The following INPP5K variants were observed in gnomAD, a reference collection of about 807,000 sequenced individuals.
INPP5K encodes inositol polyphosphate 5-phosphatase K.
Under a neutral mutation model 53.5 loss-of-function variants are expected in INPP5K, and 35 were observed. That is an observed-to-expected ratio of 0.65 (90% CI 0.50 to 0.87). INPP5K has a LOEUF of 0.87. Among genes scored for constraint, INPP5K ranks in the 40% least tolerant of loss-of-function variants. The pLI, the probability that INPP5K is intolerant of heterozygous loss-of-function variation, is 0.00. For missense variants in INPP5K, 550 were observed against 586.2 expected, an observed-to-expected ratio of 0.94 and a Z score of 0.64; for synonymous variants, 253 against 232.8, an observed-to-expected ratio of 1.09 and a Z score of -0.79.
intron 7 of INPP5K, among the ~76,000 whole-genome samples, chr17:1,503,746 T>A (rs763344399): frequency 1.3e-5 from 2 of 152,038 alleles, no homozygotes; most frequent in Non-Finnish European, 2.9e-5. Context: ...TTGTCTGGGC[T>A]CACAGTGGCA....
At chr17:1,496,196 T>G in intron 10 of INPP5K, 32 bp from the exon 11 acceptor site, 10 of 1,544,046 alleles carry the variant, frequency 6.5e-6, no homozygotes, top group Non-Finnish European at 8.9e-6. Flanking sequence ...TGGGGTCAGC[T>G]CCAGGGCTCT....
At chr17:1,501,703 C>A (rs942525885) in intron 7 of INPP5K, among the ~76,000 whole-genome samples, 1 of 152,176 alleles carries the variant, frequency 6.6e-6, no homozygotes, top group African/African-American at 2.4e-5. Flanking sequence ...CCTTGGACAG[C>A]AGGTGCCTAG....
At chr17:1,503,789 T>TA (rs1413293870) in intron 7 of INPP5K, among the ~76,000 whole-genome samples, 3 of 152,154 alleles carry the variant, frequency 2.0e-5, no homozygotes, top group Non-Finnish European at 4.4e-5. Context: ...ACCCCGGACT[T>TA]TAGCAGGATT....
At chr17:1,505,030 G>C (rs145061889) in intron 7 of INPP5K, among the ~76,000 whole-genome samples, 304 of 152,332 alleles carry the variant, frequency 2.0e-3, no homozygotes, top group African/African-American at 6.3e-3. Flanking sequence ...TCCAGCTTTT[G>C]CAACAAACTT....
intron 1 of INPP5K, chr17:1,515,891 A>T: frequency 1.0e-6 from 1 of 985,090 alleles, no homozygotes; most frequent in Non-Finnish European, 1.2e-6. Context: ...GACTCACTCT[A>T]AGAGGATGGA....
chr17:1,508,286 C>T (rs2075213310), intron 5 of INPP5K, 60 bp from the exon 6 acceptor site: 1 of 1,357,118 alleles, frequency 7.4e-7, no homozygotes. Flanking sequence ...AGGGAGATCA[C>T]CAGGTGGCTC....
At chr17:1,513,614 G>T in intron 2 of INPP5K, 53 bp from the exon 3 acceptor site, 1 of 1,453,880 alleles carries the variant, frequency 6.9e-7, no homozygotes, top group Non-Finnish European at 9.7e-7. Context: ...TACTTCCCCT[G>T]CCACAGATAT....
chr17:1,508,255 G>A, intron 5 of INPP5K, 29 bp from the exon 6 acceptor site: 1 of 1,541,910 alleles, frequency 6.5e-7, no homozygotes, highest in African/African-American at 1.4e-5. Flanking sequence ...GCAGCCTGAG[G>A]ATTTGTGATG....
At chr17:1,497,276 T>C (rs1329370499) in intron 8 of INPP5K, among the ~76,000 whole-genome samples, 1 of 152,162 alleles carries the variant, frequency 6.6e-6, no homozygotes, top group Non-Finnish European at 1.5e-5. Flanking sequence ...AGTTCGAGAC[T>C]AGCCTGGGCA....
intron 7 of INPP5K, among the ~76,000 whole-genome samples, chr17:1,502,605 C>T (rs549633285): frequency 1.9e-4 from 28 of 148,760 alleles, no homozygotes; most frequent in Non-Finnish European, 3.4e-4. Flanking sequence ...CTTAGCCCTT[C>T]TTATGTGCCC....
At chr17:1,511,293 A>G (rs2075301972) in intron 3 of INPP5K, among the ~76,000 whole-genome samples, 1 of 152,020 alleles carries the variant, frequency 6.6e-6, no homozygotes, top group Non-Finnish European at 1.5e-5. Flanking sequence ...CTGTATTGTA[A>G]AACAACATCA....
At chr17:1,516,194 A>C in intron 1 of INPP5K, 1 of 1,015,546 alleles carries the variant, frequency 9.8e-7, no homozygotes, top group Non-Finnish European at 1.3e-6. Flanking sequence ...AACCTCAAAC[A>C]ACCCCACACG....
At chr17:1,510,031 C>T (rs776261626) in intron 3 of INPP5K, among the ~76,000 whole-genome samples, 13 of 152,306 alleles carry the variant, frequency 8.5e-5, no homozygotes, top group South Asian at 6.2e-4. Context: ...CCTAGGCGTG[C>T]GGGTGGCGGG....
In INPP5K at chr17:1,511,477, C is replaced by T. The variant is rs916520556; in HGVS notation, c.262-1678G>A. 2.6e-5 allele frequency among the ~76,000 whole-genome samples: 4 copies of T among 152,086 alleles called. No individual in the cohort carries two copies. The South Asian group carries it at 8.3e-4, about 32-fold the overall frequency. ...AAGGAGGAAATCCCCGGGTGGGGAG[C>T]GTGTACTGGGGCCTTCCAGGAATTA... is the stretch of plus-strand genomic sequence containing the variant. On this transcript the variant is annotated intron_variant, in intron 3 of 11. Coordinates refer to ENST00000421807, the MANE Select transcript of INPP5K (RefSeq NM_016532.4).
In INPP5K at chr17:1,507,057, G is replaced by A. The variant is rs1329100486; in HGVS notation, c.699C>T (p.Leu233=). ...LSIAKKHDPL[L]REFQEGRLLF... Reference sequence around the variant, plus strand: ...GTAGGCGGCCCTCCTGGAACTCCCGGAGCAGCGGGTCATGTTTCTTGGCAA... The same window carrying A: ...GTAGGCGGCCCTCCTGGAACTCCCGAAGCAGCGGGTCATGTTTCTTGGCAA... The change falls in exon 7 of 12, where the codon CTC becomes CTT. Residue 233 remains leucine (L), a synonymous_variant. Coordinates refer to ENST00000421807, the MANE Select transcript of INPP5K (RefSeq NM_016532.4). 2 of 1,613,914 alleles carry A rather than the reference G, an allele frequency of 1.2e-6. No individual in the cohort carries two copies. Among genetic ancestry groups the A allele is most frequent in the South Asian group, 1.1e-5 (1 of 91,080 alleles).
intron 3 of INPP5K, 96 bp from the exon 4 acceptor site, chr17:1,509,895 C>T: frequency 1.4e-6 from 1 of 710,444 alleles, no homozygotes; most frequent in East Asian, 2.5e-5. Flanking sequence ...GAGCCCTCAG[C>T]TACATGCAGT....
At chr17:1,513,013 A>G (rs2075344156) in intron 3 of INPP5K, among the ~76,000 whole-genome samples, 2 of 152,344 alleles carry the variant, frequency 1.3e-5, no homozygotes, top group South Asian at 4.1e-4. Flanking sequence ...CTATTTCAAC[A>G]GACTTGTTAA....
chr17:1,501,988 T>C (rs550474834), intron 7 of INPP5K, among the ~76,000 whole-genome samples: 10 of 150,118 alleles, frequency 6.7e-5, no homozygotes, highest in African/African-American at 2.2e-4. Context: ...TGAGCCAAGA[T>C]TGCATTGTTG....
intron 9 of INPP5K, 61 bp downstream of exon 9, chr17:1,496,605 C>T (rs2074851096): frequency 6.3e-7 from 1 of 1,593,522 alleles, no homozygotes; most frequent in Non-Finnish European, 8.6e-7. Flanking sequence ...TCCCAGGAGC[C>T]CTCGGGAAGG....
Sources: gnomAD v4.1 joint callset for allele counts (sites outside exome capture counted in the v4.1 genomes callset) on GRCh38, gnomAD v4.1.1 for gene constraint, MANE v1.5 for transcripts, NCBI Gene and HGNC (gene_info 2026-07-23, HGNC 2026-07-21) for gene names.